EPC2: variants seen among roughly 807,000 people sequenced by gnomAD.
EPC2 encodes the protein enhancer of polycomb 2.
EPC2 carries 14 observed loss-of-function variants against 92.1 expected under a neutral mutation model. The ratio of observed to expected loss-of-function variants is 0.15; its 90% CI spans 0.10 to 0.24. The LOEUF is 0.24. EPC2 is among the 10% of genes least tolerant of loss of function. The pLI is 1.00. For missense variants in EPC2, 755 were observed against 971.5 expected (o/e 0.78, Z 2.96); for synonymous variants, 340 against 334.7 (o/e 1.02, Z -0.17).
chr2:148,748,602 T>C (rs1051276552), intron 3 of EPC2, among the ~76,000 whole-genome samples: 2 of 152,182 alleles, frequency 1.3e-5, no homozygotes, highest in Non-Finnish European at 2.9e-5. Context: ...TTTACAGATA[T>C]ATAATGAGAT....
Position 148,644,774 on chromosome 2 carries a change from T to G in EPC2, c.-244T>G. Reference sequence around the variant, plus strand: ...GTGGTAATGTCCGCCATGTTGGCCATGGCGCAGGGAGCGGATCGGGCGGGC... The same window carrying G: ...GTGGTAATGTCCGCCATGTTGGCCAGGGCGCAGGGAGCGGATCGGGCGGGC... On this transcript the variant is annotated 5_prime_UTR_variant, in exon 1 of 14. The change abolishes an upstream ATG in the 5' untranslated region. Transcript: ENST00000258484. The G allele has an allele frequency of 2.5e-6, 1 of 396,926 alleles. No individual in the cohort carries two copies. The highest frequency in any genetic ancestry group is 4.4e-6 in the Non-Finnish European group (1 of 226,670). 24.6% of individuals were successfully genotyped at this position (396,926 alleles called of 1,614,324 possible).
At chr2:148,754,844 T>C (rs146135284) in intron 4 of EPC2, among the ~76,000 whole-genome samples, 64 of 152,334 alleles carry the variant, frequency 4.2e-4, no homozygotes, top group African/African-American at 1.5e-3. Flanking sequence ...TGTTAAATGA[T>C]ATGGTATAGA....
chr2:148,751,961 A>C lies in EPC2; in HGVS notation c.460-1966A>C, dbSNP rs1363076521. 2.6e-5 allele frequency among the ~76,000 whole-genome samples: 4 copies of C among 152,214 alleles called. No individual in the cohort carries two copies. In the East Asian group the frequency reaches 7.7e-4, roughly 29 times the overall value. Reference sequence around the variant, plus strand: ...ATGTTTAACTGTAAAGTGTGTGTTGAATTCTTATTACTTGTGATATAAAGA... The same window carrying C: ...ATGTTTAACTGTAAAGTGTGTGTTGCATTCTTATTACTTGTGATATAAAGA... On this transcript the variant is annotated intron_variant, in intron 3 of 13. Transcript: ENST00000258484.
chr2:148,671,287 ATTT>A (rs60048357), intron 1 of EPC2, among the ~76,000 whole-genome samples: 26 of 127,106 alleles, frequency 2.0e-4, no homozygotes, highest in South Asian at 9.5e-4. Flanking sequence ...GTGGATTGTG[ATTT>A]TTTTTTTTTT....
At chr2:148,691,272 A>G (rs748542230) in intron 2 of EPC2, among the ~76,000 whole-genome samples, 2 of 152,206 alleles carry the variant, frequency 1.3e-5, no homozygotes, top group Non-Finnish European at 2.9e-5. Flanking sequence ...CCACAGACAG[A>G]TGCTAGTGTC....
intron 5 of EPC2, chr2:148,762,355 A>G (rs1297165413): frequency 4.9e-6 from 1 of 205,314 alleles, no homozygotes; most frequent in East Asian, 1.2e-4. Flanking sequence ...TTCCTACAAA[A>G]TTAAATAGAC....
At chr2:148,708,454 A>G (rs1362359826) in intron 2 of EPC2, among the ~76,000 whole-genome samples, 1 of 152,206 alleles carries the variant, frequency 6.6e-6, no homozygotes, top group East Asian at 1.9e-4. Context: ...AAACTCTTCC[A>G]ATCAATAGGA....
Position 148,644,904 on chromosome 2 carries a change from C to A in EPC2, c.-114C>A. On this transcript the variant is annotated 5_prime_UTR_variant, in exon 1 of 14. Transcript: ENST00000258484. ...CGGGGGCAGTGAGGAGGAGGAGGAG[C>A]GGGCCGGCCGCGCTGCACTGAGGAA... The A allele has an allele frequency of 3.3e-6, 3 of 896,474 alleles. No individual in the cohort carries two copies. Among genetic ancestry groups the A allele is most frequent in the South Asian group, 1.6e-5 (1 of 62,202 alleles). 55.5% of individuals were successfully genotyped at this position (896,474 alleles called of 1,614,324 possible). A position where few individuals can be genotyped will look rare whatever the true frequency, so the allele number is the denominator to read the frequency against.
intron 1 of EPC2, 37 bp from the exon 2 acceptor site, chr2:148,690,177 C>G (rs770550011): frequency 1.3e-6 from 2 of 1,546,080 alleles, no homozygotes; most frequent in East Asian, 2.3e-5. Context: ...ATTAATATTA[C>G]TAAAACAACT....
Position 148,763,872 on chromosome 2 carries a change from A to T in EPC2, c.948+1070A>T, listed in dbSNP as rs376410712. ...TGCAATATGAAAATCTTAACCCAGA[A>T]TTACTGACAGAATCAGCCTTTATTA... On this transcript the variant is annotated intron_variant, in intron 6 of 13. Transcript: ENST00000258484. 3.9e-5 allele frequency among the ~76,000 whole-genome samples: 6 copies of T among 152,334 alleles called. 1 individual carries two copies. The highest frequency in any genetic ancestry group is 1.4e-4 in the African/African-American group (6 of 41,564).
At chr2:148,653,399 A>G (rs1174469742) in intron 1 of EPC2, among the ~76,000 whole-genome samples, 1 of 152,244 alleles carries the variant, frequency 6.6e-6, no homozygotes, top group East Asian at 1.9e-4. Flanking sequence ...AAGGTCCATC[A>G]TGATTATTTG....
intron 1 of EPC2, among the ~76,000 whole-genome samples, chr2:148,675,874 A>G (rs1681252519): frequency 6.6e-6 from 1 of 152,240 alleles, no homozygotes; most frequent in Non-Finnish European, 1.5e-5. Flanking sequence ...TAAAATAGCA[A>G]TGAATAATCT....
intron 1 of EPC2, among the ~76,000 whole-genome samples, chr2:148,652,648 C>T (rs79089100): frequency 6.6e-6 from 1 of 152,056 alleles, no homozygotes; most frequent in African/African-American, 2.4e-5. Context: ...GCATATTGTC[C>T]AGGATTATAA....
At chr2:148,733,807 T>A (rs1204556978) in intron 2 of EPC2, among the ~76,000 whole-genome samples, 1 of 152,146 alleles carries the variant, frequency 6.6e-6, no homozygotes, top group African/African-American at 2.4e-5. Flanking sequence ...TTATTACTTT[T>A]AAAATTATCC....
chr2:148,726,333 TATA>T (rs1271754228), intron 2 of EPC2, among the ~76,000 whole-genome samples: 2 of 152,316 alleles, frequency 1.3e-5, no homozygotes, highest in Non-Finnish European at 2.9e-5. Flanking sequence ...TGCTGGATCA[TATA>T]GTAGTTCTAT....
chr2:148,733,586 C>T (rs1243592496), intron 2 of EPC2, among the ~76,000 whole-genome samples: 1 of 141,554 alleles, frequency 7.1e-6, no homozygotes, highest in Non-Finnish European at 1.5e-5. Flanking sequence ...CATCCTTGAG[C>T]TCCTGGGCTC....
rs114775330 is a variant in EPC2 at position 148,781,280 on chromosome 2, T to A, written c.1721-364T>A. ...TATTAAGGCTATAACTTAGTCATCA[T>A]TATTATTAACATGAATAAATCAAAG... On this transcript the variant is annotated intron_variant, in intron 10 of 13. Coordinates refer to ENST00000258484, the MANE Select transcript of EPC2 (RefSeq NM_015630.4). 7.1e-3 allele frequency among the ~76,000 whole-genome samples: 1,089 copies of A among 152,318 alleles called. 6 individuals are homozygous for A. Among genetic ancestry groups the A allele is most frequent in the African/African-American group, 0.025 (1,024 of 41,580 alleles).
At chr2:148,709,031 A>C (rs558248133) in intron 2 of EPC2, among the ~76,000 whole-genome samples, 3 of 152,210 alleles carry the variant, frequency 2.0e-5, no homozygotes, top group African/African-American at 4.8e-5. Flanking sequence ...AGGGTATCCA[A>C]TTAGGAAAAG....
At chr2:148,677,747 G>A (rs934206645) in intron 1 of EPC2, among the ~76,000 whole-genome samples, 17 of 152,016 alleles carry the variant, frequency 1.1e-4, no homozygotes, top group African/African-American at 3.6e-4. Flanking sequence ...TCGTGGTCTC[G>A]CTGGCTCAGG....
Sources: allele counts gnomAD v4.1 joint callset (sites outside exome capture counted in the v4.1 genomes callset), GRCh38; gene constraint gnomAD v4.1.1; transcripts MANE v1.5; gene names NCBI Gene and HGNC (gene_info 2026-07-23, HGNC 2026-07-21).